Variants in DOCK4 observed in about 807,000 individuals in gnomAD.
DOCK4 encodes the protein dedicator of cytokinesis protein 4.
DOCK4 carries 97 observed loss-of-function variants against 268.1 expected under a neutral mutation model. The observed-to-expected ratio is 0.36, with a 90% CI of 0.31 to 0.43. The LOEUF (loss-of-function observed/expected upper bound fraction) is 0.43, where lower values mean the gene tolerates loss of function less well. Among genes scored for constraint, DOCK4 ranks in the 20% least tolerant of loss-of-function variants. DOCK4 has a pLI of 1.00. For synonymous variants in DOCK4, 954 were observed against 887.2 expected, an observed-to-expected ratio of 1.08 and a Z score of -1.34; for missense variants, 2,145 against 2,455.7, an observed-to-expected ratio of 0.87 and a Z score of 2.67.
At chr7:111,983,126 G>T (rs981544635) in intron 7 of DOCK4, among the ~76,000 whole-genome samples, 2 of 152,084 alleles carry the variant, frequency 1.3e-5, no homozygotes, top group African/African-American at 4.8e-5. Context: ...CCTAAAAAAT[G>T]GAATTGATTC....
rs1385895322 is a variant in DOCK4 at position 112,143,152 on chromosome 7, T to TA, written c.37+62949dup. 8.3e-3 allele frequency among the ~76,000 whole-genome samples: 1,217 copies of TA among 146,474 alleles called. 34 individuals carry two copies. The highest frequency in any genetic ancestry group is 0.051 in the Admixed American group (743 of 14,702). On this transcript the variant is annotated intron_variant, in intron 1 of 52. Transcript: ENST00000428084. ...TAAAATTAGTTCAAAACCAAAAGGT[T>TA]AAAAAAAAAAGGAAAAGAACATCTC...
chr7:111,987,562 C>A, intron 6 of DOCK4, among the ~76,000 whole-genome samples: 1 of 152,300 alleles, frequency 6.6e-6, no homozygotes, highest in East Asian at 1.9e-4. Context: ...AATGGAGATT[C>A]GAGATAATCT....
At chr7:112,044,271 A>G (rs1223663248) in intron 1 of DOCK4, among the ~76,000 whole-genome samples, 1 of 152,156 alleles carries the variant, frequency 6.6e-6, no homozygotes, top group Admixed American at 6.5e-5. Flanking sequence ...TTTCTGAACT[A>G]TATCAGCATG....
At chr7:111,920,779 C>T (rs1254867476) in intron 12 of DOCK4, among the ~76,000 whole-genome samples, 1 of 151,676 alleles carries the variant, frequency 6.6e-6, no homozygotes, top group African/African-American at 2.4e-5. Flanking sequence ...AAATAAGAAA[C>T]TTATACAGAG....
chr7:111,754,123 G>A (rs986788629), intron 42 of DOCK4, among the ~76,000 whole-genome samples: 4 of 152,106 alleles, frequency 2.6e-5, no homozygotes, highest in African/African-American at 9.7e-5. Context: ...TTGGACCCAT[G>A]CCATTCAGCG....
chr7:111,946,109 A>G (rs1267961165), intron 8 of DOCK4, among the ~76,000 whole-genome samples: 1 of 152,228 alleles, frequency 6.6e-6, no homozygotes, highest in Non-Finnish European at 1.5e-5. Context: ...AATGCACTAA[A>G]AGAGAAAAAT....
intron 16 of DOCK4, among the ~76,000 whole-genome samples, chr7:111,886,580 G>A (rs533490849): frequency 6.6e-6 from 1 of 152,210 alleles, no homozygotes; most frequent in African/African-American, 2.4e-5. Context: ...AGTTGTAAAG[G>A]ATAAAAGGGT....
intron 26 of DOCK4, among the ~76,000 whole-genome samples, chr7:111,822,875 A>G (rs919914609): frequency 6.6e-6 from 1 of 152,228 alleles, no homozygotes; most frequent in Non-Finnish European, 1.5e-5. Context: ...GAGGGTGTCA[A>G]ATTTTAGAAA....
intron 17 of DOCK4, among the ~76,000 whole-genome samples, chr7:111,874,216 C>G (rs563118479): frequency 6.6e-6 from 1 of 152,264 alleles, no homozygotes; most frequent in African/African-American, 2.4e-5. Context: ...ACTCCACCCC[C>G]ATCCCAGCTC....
At chr7:112,004,168 T>G in intron 1 of DOCK4, 37 bp from the exon 2 acceptor site, 1 of 1,464,292 alleles carries the variant, frequency 6.8e-7, no homozygotes, top group Non-Finnish European at 9.4e-7. Flanking sequence ...AAGACAATCA[T>G]GTCCATTACA....
chr7:111,939,871 G>A (rs570055283), intron 11 of DOCK4, among the ~76,000 whole-genome samples: 2 of 152,260 alleles, frequency 1.3e-5, no homozygotes, highest in South Asian at 2.1e-4. Context: ...CATAGTAGAC[G>A]GTCTACCTAA....
chr7:112,029,266 G>A (rs377518275), intron 1 of DOCK4, among the ~76,000 whole-genome samples: 16 of 152,262 alleles, frequency 1.1e-4, no homozygotes, highest in East Asian at 3.9e-4. Context: ...TAAACCTTCC[G>A]TGTGAAGAAT....
rs1164828845 is a variant in DOCK4 at position 111,934,573 on chromosome 7, G to A, written c.1066+967C>T. ...TAGACAGTGTCTTGCTCTGTCACCC[G>A]GGCTGCAGTGCAGTGGCGCGACCTT... On this transcript the variant is annotated intron_variant, in intron 12 of 52. Coordinates refer to ENST00000428084, the MANE Select transcript of DOCK4 (RefSeq NM_001363540.2). 1.0e-4 allele frequency among the ~76,000 whole-genome samples: 14 copies of A among 134,302 alleles called. No individual in the cohort carries two copies. In the East Asian group the frequency reaches 1.9e-3, roughly 18 times the overall value. The allele number at this position is 134,302 out of a possible 152,430, so 88.1% of individuals were successfully genotyped here.
At chr7:111,922,355 T>C (rs1793212130) in intron 12 of DOCK4, among the ~76,000 whole-genome samples, 1 of 152,242 alleles carries the variant, frequency 6.6e-6, no homozygotes, top group South Asian at 2.1e-4. Context: ...AAATTATACA[T>C]ACTATTTCTA....
At chr7:111,739,026 CA>C in intron 49 of DOCK4, 107 bp downstream of exon 49, 1 of 860,118 alleles carries the variant, frequency 1.2e-6, no homozygotes, top group Non-Finnish European at 1.9e-6. Flanking sequence ...ATTGGTCTGA[CA>C]CTGCCCAGCT....
In DOCK4 at chr7:111,863,382, A is replaced by G; in HGVS notation, c.2463T>C (p.Tyr821=). 1 of 1,614,036 alleles carries G rather than the reference A, an allele frequency of 6.2e-7. No homozygotes were observed. Among genetic ancestry groups the G allele is most frequent in the Non-Finnish European group, 8.5e-7 (1 of 1,179,902 alleles). The change falls in exon 23 of 53, where the codon TAT becomes TAC. Residue 821 remains tyrosine (Y), a synonymous_variant. Transcript: ENST00000428084. ...AGAGACTCACCCTACCTGGGTTGGT[A>G]TAAAGCTGGCTTTCCACGGTTTTGC... ...CIGKTVESQL[Y]TNPDSRYILL...
At chr7:111,909,393 A>C (rs1791899300) in intron 13 of DOCK4, among the ~76,000 whole-genome samples, 1 of 152,162 alleles carries the variant, frequency 6.6e-6, no homozygotes, top group Admixed American at 6.5e-5. Flanking sequence ...CATTCTTCTA[A>C]CTCCAGTCTG....
chr7:111,918,781 T>C (rs987745028), intron 12 of DOCK4, among the ~76,000 whole-genome samples: 2 of 152,200 alleles, frequency 1.3e-5, no homozygotes, highest in Admixed American at 6.5e-5. Flanking sequence ...CAGTTCTTCC[T>C]GCTGGGGAAA....
chr7:111,872,485 A>T lies in DOCK4; in HGVS notation c.1824T>A (p.Asp608Glu). ...TGCLSKLKEI[D>E]GSEIVKFLQD... ...TATATACCTTTACTATCTCTGAGCC[A>T]TCAATTTCTTTTAATTTAGAGAGAC... Residue 608 changes from aspartate (D) to glutamate (E), a missense_variant, in exon 18 of 53, where the codon GAT (aspartate) becomes GAA (glutamate). By Grantham distance (45) the Asp-to-Glu change is conservative. Coordinates refer to ENST00000428084, the MANE Select transcript of DOCK4 (RefSeq NM_001363540.2). 6.3e-7 allele frequency: 1 copy of T among 1,598,442 alleles called. No individual in the cohort carries two copies. The highest frequency in any genetic ancestry group is 8.5e-7 in the Non-Finnish European group (1 of 1,171,406).
Sources: allele counts gnomAD v4.1 joint callset (sites outside exome capture counted in the v4.1 genomes callset), GRCh38; gene constraint gnomAD v4.1.1; transcripts MANE v1.5; gene names NCBI Gene and HGNC (gene_info 2026-07-23, HGNC 2026-07-21).